Variants in CDC42BPB observed in about 807,000 individuals in gnomAD.
CDC42BPB encodes serine/threonine-protein kinase MRCK beta.
A neutral mutation model predicts 214.9 loss-of-function variants in CDC42BPB; 37 were observed. The observed-to-expected ratio is 0.17, with a 90% confidence interval of 0.13 to 0.23. The LOEUF (loss-of-function observed/expected upper bound fraction) is 0.23. Among genes scored for constraint, CDC42BPB ranks in the 10% least tolerant of loss-of-function variants. The pLI is 1.00. For synonymous variants in CDC42BPB, 931 were observed against 884.0 expected, an observed-to-expected ratio of 1.05 and a Z score of -0.94; for missense variants, 1,694 against 2,227.0, an observed-to-expected ratio of 0.76 and a Z score of 4.82.
At chr14:103,021,408 G>T (rs1441460006) in intron 1 of CDC42BPB, among the ~76,000 whole-genome samples, 2 of 151,894 alleles carry the variant, frequency 1.3e-5, no homozygotes, top group Non-Finnish European at 2.9e-5. Flanking sequence ...GGAGCTTGCA[G>T]TGAGCTGAGA....
At position 103,032,630 on chromosome 14, in the gene CDC42BPB, C is replaced by CTT. The variant is rs35712321; in HGVS notation, c.176-20444_176-20443dup. Among the ~76,000 whole-genome samples the CTT allele has an allele frequency of 3.7e-4, 40 of 109,004 alleles. 1 individual carries two copies. Among genetic ancestry groups the CTT allele is most frequent in the South Asian group, 8.7e-4 (3 of 3,464 alleles). 71.5% of individuals were successfully genotyped at this position (109,004 alleles called of 152,430 possible). A position where few individuals can be genotyped will look rare whatever the true frequency, so the allele number is the denominator to read the frequency against. On this transcript the variant is annotated intron_variant, in intron 1 of 36. Coordinates refer to ENST00000361246, the MANE Select transcript of CDC42BPB (RefSeq NM_006035.4). ...TCCAAATGCCTATAAAACAAATCCA[C>CTT]TTTTTTTTTTTTTTTTTTTTGAGAC...
intron 6 of CDC42BPB, chr14:102,983,982 GA>G: frequency 8.2e-6 from 6 of 730,180 alleles, no homozygotes; most frequent in Non-Finnish European, 1.0e-5. Context: ...TTGAGCCCAG[GA>G]GCTCAAGGCC....
chr14:102,960,208 A>C (rs1892897355), intron 20 of CDC42BPB, among the ~76,000 whole-genome samples: 2 of 152,120 alleles, frequency 1.3e-5, no homozygotes, highest in Admixed American at 6.6e-5. Context: ...CTATCTCAAA[A>C]AAAAACAAAA....
At chr14:102,986,619 G>A (rs1207118043) in intron 5 of CDC42BPB, 39 bp from the exon 6 acceptor site, 7 of 1,603,968 alleles carry the variant, frequency 4.4e-6, no homozygotes, top group Non-Finnish European at 6.0e-6. Flanking sequence ...CCATCTCCAT[G>A]CAACACATTA....
At chr14:102,948,045 C>G in intron 26 of CDC42BPB, 1 of 842,120 alleles carries the variant, frequency 1.2e-6, no homozygotes, top group East Asian at 1.3e-4. Flanking sequence ...CCCCACTGTG[C>G]TGGTGCCTCC....
intron 1 of CDC42BPB, among the ~76,000 whole-genome samples, chr14:103,034,524 G>A: frequency 6.6e-6 from 1 of 152,108 alleles, no homozygotes; most frequent in East Asian, 1.9e-4. Flanking sequence ...TAAGAAAAGG[G>A]AGGTAGAGGC....
chr14:103,041,862 C>T, intron 1 of CDC42BPB: 1 of 400,494 alleles, frequency 2.5e-6, no homozygotes, highest in Admixed American at 3.3e-5. Context: ...AGCCCTCGGC[C>T]ACCAGGAAGG....
At chr14:103,024,790 A>T (rs1394359576) in intron 1 of CDC42BPB, among the ~76,000 whole-genome samples, 1 of 152,166 alleles carries the variant, frequency 6.6e-6, no homozygotes, top group Non-Finnish European at 1.5e-5. Context: ...CTACAGGCAT[A>T]TGGTCTCAAA....
intron 1 of CDC42BPB, among the ~76,000 whole-genome samples, chr14:103,046,592 T>C (rs1888300444): frequency 6.6e-6 from 1 of 152,092 alleles, no homozygotes; most frequent in Admixed American, 6.6e-5. Flanking sequence ...AACAAAGAAA[T>C]GTGTCTAAAA....
At chr14:103,040,389 TTTACCCCAATTAAAAAGAAAACTAAACA>T (rs1357785923) in intron 1 of CDC42BPB, among the ~76,000 whole-genome samples, 3 of 152,108 alleles carry the variant, frequency 2.0e-5, no homozygotes, top group Admixed American at 2.0e-4. Flanking sequence ...TTTATGTATT[TTTACCCCAATTAAAAAGAAAACTAAACA>T]ACTCTCACTC....
chr14:102,976,150 G>A, intron 9 of CDC42BPB, 101 bp from the exon 10 acceptor site: 1 of 1,518,390 alleles, frequency 6.6e-7, no homozygotes, highest in Non-Finnish European at 8.8e-7. Context: ...TTTTAAATCA[G>A]CAAACAAAAA....
chr14:102,976,447 G>A (rs908165349), intron 9 of CDC42BPB, among the ~76,000 whole-genome samples: 1 of 152,238 alleles, frequency 6.6e-6, no homozygotes, highest in Non-Finnish European at 1.5e-5. Context: ...AACTGGCCAA[G>A]CAATCCAGGA....
At chr14:102,938,546 T>A (rs1377412201) in intron 34 of CDC42BPB, 135 bp from the exon 35 acceptor site, 1 of 1,428,792 alleles carries the variant, frequency 7.0e-7, no homozygotes, top group Non-Finnish European at 9.1e-7. Flanking sequence ...GCTCTCTGGA[T>A]TGGACAAGGG....
chr14:102,967,033 G>A lies in CDC42BPB; in HGVS notation c.2471+13C>T, dbSNP rs755785152. On this transcript the variant is annotated intron_variant, in intron 17 of 36. Transcript: ENST00000361246. The stretch of plus-strand genomic sequence containing the variant: ...GAGCGGATTCACGGCCGCTAATGGG[G>A]CCGCGCACGTACCACTGAATGATTT... The A allele has an allele frequency of 4.3e-6, 7 of 1,612,714 alleles. No individual in the cohort carries two copies. The African/African-American group carries it at 9.3e-5, about 22-fold the overall frequency.
At chr14:103,013,533 G>T (rs781622847) in intron 1 of CDC42BPB, among the ~76,000 whole-genome samples, 33 of 152,206 alleles carry the variant, frequency 2.2e-4, no homozygotes, top group Non-Finnish European at 4.1e-4. Flanking sequence ...TTTGGAAACG[G>T]TCCTTACAGA....
In CDC42BPB at chr14:103,001,214, G is replaced by A. The variant is rs897540303; in HGVS notation, c.448-1501C>T. Reference sequence around the variant, plus strand: ...GCTCAGGCACTGCCCGTCCTTCCCCGCCGAGTTTTTCAATTTGTTCATTCG... The same window carrying A: ...GCTCAGGCACTGCCCGTCCTTCCCCACCGAGTTTTTCAATTTGTTCATTCG... On this transcript the variant is annotated intron_variant, in intron 4 of 36. Transcript: ENST00000361246. The surrounding 1 kb of genome is among the most constrained non-coding windows in gnomAD (Gnocchi z 5.8). 3.3e-5 allele frequency among the ~76,000 whole-genome samples: 5 copies of A among 152,082 alleles called. No homozygotes were observed.
Position 103,004,172 on chromosome 14 carries a change from C to T in CDC42BPB, c.352-149G>A. The T allele has an allele frequency of 7.2e-7, 1 of 1,387,798 alleles. No homozygotes were observed. The highest frequency in any genetic ancestry group is 9.4e-7 in the Non-Finnish European group (1 of 1,067,368). 86.0% of individuals were successfully genotyped at this position (1,387,798 alleles called of 1,614,324 possible). A position where few individuals can be genotyped will look rare whatever the true frequency, so the allele number is the denominator to read the frequency against. On this transcript the variant is annotated intron_variant, in intron 3 of 36. Transcript: ENST00000361246. This position sits in a 1 kb window ranked among gnomAD's most constrained non-coding sequence, Gnocchi z 5.3. Reference sequence around the variant, plus strand: ...CTCCTCGTGCACCACCCCGAGGCTGCTGAGGCTGAGCCATCCCTCATCCCT... The same window carrying T: ...CTCCTCGTGCACCACCCCGAGGCTGTTGAGGCTGAGCCATCCCTCATCCCT...
chr14:103,017,971 G>A (rs575129369), intron 1 of CDC42BPB, among the ~76,000 whole-genome samples: 2 of 152,210 alleles, frequency 1.3e-5, no homozygotes, highest in African/African-American at 2.4e-5. Context: ...TTTGGCACCA[G>A]GGGCCACTTT....
chr14:102,950,775 G>T, intron 24 of CDC42BPB, 173 bp from the exon 25 acceptor site: 1 of 694,172 alleles, frequency 1.4e-6, no homozygotes, highest in South Asian at 6.5e-5. Flanking sequence ...AGACCAGCCT[G>T]GCCAACATGG....
Sources: allele counts gnomAD v4.1 joint callset (sites outside exome capture counted in the v4.1 genomes callset), GRCh38; gene constraint gnomAD v4.1.1; non-coding constraint Gnocchi (gnomAD v3.1); transcripts MANE v1.5; gene names NCBI Gene and HGNC (gene_info 2026-07-23, HGNC 2026-07-21).